The following MACROH2A1 variants were observed in gnomAD, a reference collection of about 807,000 sequenced individuals.
MACROH2A1 encodes the protein core histone macro-H2A.1.
Under a neutral mutation model 31.6 loss-of-function variants are expected in MACROH2A1, and 2 were observed. The observed-to-expected ratio is 0.06, with a 90% CI of 0.03 to 0.20. The LOEUF (loss-of-function observed/expected upper bound fraction) is 0.20, where lower values mean the gene tolerates loss of function less well. Ranked by LOEUF, MACROH2A1 falls within the 10% of genes least tolerant of loss-of-function variation. MACROH2A1 has a pLI of 1.00. For missense variants in MACROH2A1, 230 were observed against 474.0 expected (o/e 0.49, Z 4.78); for synonymous variants, 169 against 189.6 (o/e 0.89, Z 0.89).
intron 4 of MACROH2A1, 62 bp from the exon 5 acceptor site, chr5:135,360,669 C>T (rs376013840): frequency 1.0e-4 from 118 of 1,170,930 alleles, no homozygotes; most frequent in Non-Finnish European, 1.4e-4. Context: ...AATAGAGAGG[C>T]AGCTCCCAAG....
chr5:135,390,965 C>CT (rs1209829944), intron 1 of MACROH2A1, among the ~76,000 whole-genome samples: 2 of 152,192 alleles, frequency 1.3e-5, no homozygotes, highest in Non-Finnish European at 2.9e-5. Context: ...GTAAAGGCCT[C>CT]TGTCATGAGC....
chr5:135,359,876 T>C, intron 5 of MACROH2A1: 5 of 984,788 alleles, frequency 5.1e-6, no homozygotes, highest in Non-Finnish European at 6.0e-6. Context: ...TCATTTTTAT[T>C]TTCAATAAAA....
chr5:135,371,518 A>G (rs1485911947), intron 2 of MACROH2A1, among the ~76,000 whole-genome samples: 2 of 152,242 alleles, frequency 1.3e-5, no homozygotes, highest in Non-Finnish European at 2.9e-5. Context: ...CCATCTGGGC[A>G]CAGTCTCACA....
intron 5 of MACROH2A1, chr5:135,355,769 G>A (rs1054928581): frequency 6.2e-6 from 1 of 160,900 alleles, no homozygotes; most frequent in Non-Finnish European, 1.4e-5. Context: ...AATGGACCAG[G>A]TACACATGTG....
At chr5:135,380,840 T>A (rs929346390) in intron 2 of MACROH2A1, among the ~76,000 whole-genome samples, 6 of 152,216 alleles carry the variant, frequency 3.9e-5, no homozygotes, top group African/African-American at 1.4e-4. Flanking sequence ...TAAGAACTAG[T>A]AACATGGATT....
intron 4 of MACROH2A1, among the ~76,000 whole-genome samples, chr5:135,366,877 C>G (rs896960821): frequency 6.6e-6 from 1 of 152,166 alleles, no homozygotes; most frequent in East Asian, 1.9e-4. Context: ...AGAGAGGGAA[C>G]AGACTTGCCT....
chr5:135,351,489 C>T (rs1162776892), intron 6 of MACROH2A1: 1 of 139,706 alleles, frequency 7.2e-6, no homozygotes, highest in Non-Finnish European at 1.5e-5. Flanking sequence ...CGATCTCTAT[C>T]AATATTTTTC....
At chr5:135,378,296 T>C (rs1440190613) in intron 2 of MACROH2A1, among the ~76,000 whole-genome samples, 2 of 152,176 alleles carry the variant, frequency 1.3e-5, no homozygotes, top group East Asian at 3.9e-4. Flanking sequence ...AGACCGCCCC[T>C]TCCCGGCGGG....
chr5:135,336,731 C>T (rs567198557), intron 8 of MACROH2A1, among the ~76,000 whole-genome samples: 3 of 152,304 alleles, frequency 2.0e-5, no homozygotes, highest in Admixed American at 2.0e-4. Flanking sequence ...TCCTCTGGCA[C>T]CAGTGCTGTT....
intron 2 of MACROH2A1, among the ~76,000 whole-genome samples, chr5:135,373,158 C>T (rs987874348): frequency 3.3e-5 from 5 of 152,144 alleles, no homozygotes; most frequent in South Asian, 2.1e-4. Context: ...CTGCCCAAAA[C>T]GTTGGAGGAA....
At chr5:135,372,658 G>C (rs575527365) in intron 2 of MACROH2A1, among the ~76,000 whole-genome samples, 175 of 152,356 alleles carry the variant, frequency 1.1e-3, no homozygotes, top group African/African-American at 3.9e-3. Context: ...ATGGGCGGGA[G>C]AGCACATCCG....
chr5:135,339,124 G>C (rs928833054), intron 8 of MACROH2A1, among the ~76,000 whole-genome samples: 1 of 152,170 alleles, frequency 6.6e-6, no homozygotes, highest in Admixed American at 6.5e-5. Context: ...CTACACCATA[G>C]GGCTAGGACC....
chr5:135,341,574 C>G (rs884001), intron 8 of MACROH2A1, among the ~76,000 whole-genome samples: 1 of 152,074 alleles, frequency 6.6e-6, no homozygotes, highest in Admixed American at 6.5e-5. Context: ...CCCTGGGGAA[C>G]GGTGGCAGTG....
At chr5:135,371,916 C>A (rs370159580) in intron 2 of MACROH2A1, among the ~76,000 whole-genome samples, 2 of 152,164 alleles carry the variant, frequency 1.3e-5, no homozygotes, top group African/African-American at 4.8e-5. Flanking sequence ...TAAAAATTTA[C>A]GGTATGACAC....
chr5:135,343,407 G>T lies in MACROH2A1; in HGVS notation c.806C>A (p.Pro269His). The stretch of plus-strand genomic sequence containing the variant: ...ATTACAGTGGATCACAAACTTGGCA[G>T]GCAGGCCATGGCCTGCGCTGACAGC... ...GAAVSAGHGL[P>H]AKFVIHCNSP... Residue 269 changes from proline (P) to histidine (H), a missense_variant, in exon 8 of 9, where the codon CCT (proline) becomes CAT (histidine). Physicochemically the swap from Pro to His is moderately conservative, Grantham distance 77. This residue lies in a region of MACROH2A1 where 183 missense variants were observed against 319.3 expected (regional missense o/e 0.57). Coordinates refer to ENST00000511689, the MANE Select transcript of MACROH2A1 (RefSeq NM_138610.3). The T allele has an allele frequency of 6.2e-7, 1 of 1,614,182 alleles. No homozygotes were observed. Among genetic ancestry groups the T allele is most frequent in the Non-Finnish European group, 8.5e-7 (1 of 1,180,028 alleles).
intron 2 of MACROH2A1, among the ~76,000 whole-genome samples, chr5:135,373,995 C>T (rs1366242728): frequency 2.0e-5 from 3 of 152,168 alleles, no homozygotes; most frequent in Non-Finnish European, 2.9e-5. Context: ...CAGAAACACA[C>T]CTTTTATGAG....
In MACROH2A1 at chr5:135,366,242, C is replaced by T. The variant is rs1581243409; in HGVS notation, c.477+3164G>A. Among the ~76,000 whole-genome samples, 3 of 152,296 alleles carry T rather than the reference C, an allele frequency of 2.0e-5. No individual in the cohort carries two copies. In the South Asian group the frequency reaches 6.2e-4, roughly 32 times the overall value. ...TTCTTCACAGCAGCGTAAGAATGGA[C>T]TAATTCAGCTGGCTACACTGTTTTT... is the stretch of plus-strand genomic sequence containing the variant. On this transcript the variant is annotated intron_variant, in intron 4 of 8. Transcript: ENST00000511689.
intron 8 of MACROH2A1, among the ~76,000 whole-genome samples, chr5:135,337,753 T>C (rs1759019543): frequency 1.3e-5 from 2 of 152,188 alleles, no homozygotes; most frequent in African/African-American, 2.4e-5. Context: ...GAGGTCAGTA[T>C]CAAATGTTTT....
intron 8 of MACROH2A1, among the ~76,000 whole-genome samples, chr5:135,336,669 G>A (rs1758757141): frequency 1.3e-5 from 2 of 152,324 alleles, no homozygotes; most frequent in East Asian, 1.9e-4. Flanking sequence ...CCAGGATGGA[G>A]GGCGGCATGT....
Sources: gnomAD v4.1 joint callset for allele counts (sites outside exome capture counted in the v4.1 genomes callset) on GRCh38, gnomAD v4.1.1 for gene constraint, gnomAD v4.1.1 regional missense constraint, MANE v1.5 for transcripts, NCBI Gene and HGNC (gene_info 2026-07-23, HGNC 2026-07-21) for gene names.